The following DOCK3 variants were observed in gnomAD, a reference collection of about 807,000 sequenced individuals.
DOCK3 encodes the protein dedicator of cytokinesis 3.
DOCK3 carries 60 observed loss-of-function variants against 265.6 expected under a neutral mutation model. That is an observed-to-expected ratio of 0.23 (90% confidence interval 0.18 to 0.28). The LOEUF (loss-of-function observed/expected upper bound fraction) is 0.28, where lower values mean the gene tolerates loss of function less well. Among genes scored for constraint, DOCK3 ranks in the 10% least tolerant of loss-of-function variants. DOCK3 has a pLI of 1.00. For missense variants in DOCK3, 1,981 were observed against 2,594.3 expected (o/e 0.76, Z 5.14); for synonymous variants, 881 against 938.0 (o/e 0.94, Z 1.11).
At chr3:50,948,643 T>C (rs1420106377) in intron 5 of DOCK3, among the ~76,000 whole-genome samples, 1 of 151,944 alleles carries the variant, frequency 6.6e-6, no homozygotes, top group Non-Finnish European at 1.5e-5. Flanking sequence ...CCTCTTTGTT[T>C]CCTCTTTTAT....
chr3:50,813,608 C>T (rs2043889788), intron 2 of DOCK3, among the ~76,000 whole-genome samples: 1 of 152,030 alleles, frequency 6.6e-6, no homozygotes, highest in Admixed American at 6.6e-5. Context: ...GTTGAACCAC[C>T]TTAAGTTCAG....
chr3:50,900,952 TC>T, intron 4 of DOCK3: 1 of 424,018 alleles, frequency 2.4e-6, no homozygotes, highest in Non-Finnish European at 4.6e-6. Flanking sequence ...GGCACGGGGG[TC>T]AGGGACCCAC....
At chr3:51,008,007 T>C (rs955025836) in intron 5 of DOCK3, among the ~76,000 whole-genome samples, 2 of 152,114 alleles carry the variant, frequency 1.3e-5, no homozygotes, top group Non-Finnish European at 2.9e-5. Flanking sequence ...CAGTATCATG[T>C]TGTTTTGGTT....
intron 9 of DOCK3, among the ~76,000 whole-genome samples, chr3:51,119,290 G>A (rs1455586072): frequency 1.3e-5 from 2 of 152,090 alleles, no homozygotes; most frequent in African/African-American, 4.8e-5. Context: ...TTGAATATTG[G>A]CCCCCACTCT....
intron 9 of DOCK3, among the ~76,000 whole-genome samples, chr3:51,090,678 G>A (rs1310572377): frequency 6.6e-6 from 1 of 152,098 alleles, no homozygotes; most frequent in Non-Finnish European, 1.5e-5. Context: ...CCACAAAAAA[G>A]GCATAGGAGA....
intron 12 of DOCK3, among the ~76,000 whole-genome samples, chr3:51,195,365 C>T (rs192113525): frequency 6.6e-6 from 1 of 152,040 alleles, no homozygotes; most frequent in Non-Finnish European, 1.5e-5. Context: ...TGAGTTCTTT[C>T]TCTGTGTGAT....
chr3:50,956,366 C>G (rs2076730135), intron 5 of DOCK3, among the ~76,000 whole-genome samples: 1 of 152,206 alleles, frequency 6.6e-6, no homozygotes. Context: ...TTCACTACAA[C>G]TCCTTGTGTA....
chr3:50,844,822 A>G (rs1373733867), intron 3 of DOCK3, among the ~76,000 whole-genome samples: 2 of 152,180 alleles, frequency 1.3e-5, no homozygotes. Context: ...TCTACAGTAG[A>G]ACTTACTTTA....
intron 5 of DOCK3, among the ~76,000 whole-genome samples, chr3:50,945,257 T>G (rs1383039915): frequency 1.3e-5 from 2 of 152,162 alleles, no homozygotes; most frequent in Non-Finnish European, 2.9e-5. Context: ...TTATTAGAAT[T>G]TTTGCTTTCC....
chr3:51,280,086 T>C lies in DOCK3; in HGVS notation c.2824-20T>C. On this transcript the variant is annotated intron_variant, in intron 26 of 52. Transcript: ENST00000266037. ...CCTTGCAATTGGCCATGCTAAGTGT[T>C]TTTTTGGGTTGGTCCCTAGGGCGAG... The C allele has an allele frequency of 6.2e-7, 1 of 1,610,704 alleles. No individual in the cohort carries two copies. Among genetic ancestry groups the C allele is most frequent in the Non-Finnish European group, 8.5e-7 (1 of 1,178,080 alleles).
intron 3 of DOCK3, among the ~76,000 whole-genome samples, chr3:50,875,118 TGAC>T (rs2047639526): frequency 6.6e-6 from 1 of 152,024 alleles, no homozygotes; most frequent in African/African-American, 2.4e-5. Context: ...CAAACCTAGA[TGAC>T]GAGTTGATAG....
chr3:50,842,665 C>A (rs1210954989), intron 3 of DOCK3, among the ~76,000 whole-genome samples: 4 of 151,888 alleles, frequency 2.6e-5, no homozygotes, highest in Non-Finnish European at 5.9e-5. Context: ...AGTGTGACAA[C>A]AAAAGAGGAC....
At chr3:51,270,752 G>A (rs1560323175) in intron 23 of DOCK3, 63 bp from the exon 24 acceptor site, 1 of 1,508,810 alleles carries the variant, frequency 6.6e-7, no homozygotes, top group Non-Finnish European at 8.9e-7. Context: ...ATCATTGTCT[G>A]AGCATGAAAG....
chr3:51,200,576 G>C (rs890594929), intron 12 of DOCK3, among the ~76,000 whole-genome samples: 1 of 151,816 alleles, frequency 6.6e-6, no homozygotes, highest in African/African-American at 2.4e-5. Flanking sequence ...GGGGAGAATG[G>C]AACCAAGCGG....
chr3:50,903,519 C>A (rs949768754), intron 4 of DOCK3, among the ~76,000 whole-genome samples: 1 of 152,152 alleles, frequency 6.6e-6, no homozygotes, highest in African/African-American at 2.4e-5. Flanking sequence ...ATGAAGCTGA[C>A]TTGATCATAG....
Position 50,675,450 on chromosome 3 carries a change from G to T in DOCK3, c.37+150G>T. The T allele has an allele frequency of 1.9e-6, 1 of 519,304 alleles. No homozygotes were observed. Among genetic ancestry groups the T allele is most frequent in the South Asian group, 8.4e-5 (1 of 11,904 alleles). The allele number at this position is 519,304 out of a possible 1,614,324, so 32.2% of individuals were successfully genotyped here. ...GCGAGCGCGGGGTGGGGGCAGGTGC[G>T]GGTGCGGGTGCGGGTGCGGGGGTGG... On this transcript the variant is annotated intron_variant, in intron 1 of 52. Coordinates refer to ENST00000266037, the MANE Select transcript of DOCK3 (RefSeq NM_004947.5). This position sits in a 1 kb window ranked among gnomAD's most constrained non-coding sequence, Gnocchi z 6.1.
rs1252151512 is a variant in DOCK3, at chr3:51,202,751, T to C, written c.1038-6023T>C. Among the ~76,000 whole-genome samples the C allele has an allele frequency of 2.6e-5, 4 of 151,990 alleles. No homozygotes were observed. The East Asian group carries it at 7.7e-4, about 29-fold the overall frequency. On this transcript the variant is annotated intron_variant, in intron 12 of 52. Transcript: ENST00000266037. ...TTTAGACCAATATCCTTGATGAACA[T>C]TGATGCAAAAATCCTCAATAAAATA...
At chr3:50,866,670 C>A (rs1194865824) in intron 3 of DOCK3, among the ~76,000 whole-genome samples, 2 of 152,032 alleles carry the variant, frequency 1.3e-5, no homozygotes, top group Non-Finnish European at 2.9e-5. Context: ...TCCCCAGCAC[C>A]ATTTATTAAA....
intron 40 of DOCK3, among the ~76,000 whole-genome samples, chr3:51,351,909 G>A (rs1389779786): frequency 7.2e-5 from 11 of 152,074 alleles, no homozygotes; most frequent in East Asian, 3.9e-4. Flanking sequence ...CGCCCGCCTC[G>A]GCCTCCCAAA....
Sources: gnomAD v4.1 joint callset for allele counts (sites outside exome capture counted in the v4.1 genomes callset) on GRCh38, gnomAD v4.1.1 for gene constraint, Gnocchi (gnomAD v3.1) non-coding constraint, MANE v1.5 for transcripts, NCBI Gene and HGNC (gene_info 2026-07-23, HGNC 2026-07-21) for gene names.